Variants in TGM7 observed in about 807,000 individuals in gnomAD.
TGM7 encodes transglutaminase 7, also known as protein-glutamine gamma-glutamyltransferase Z.
TGM7 carries 74 observed loss-of-function variants against 79.5 expected under a neutral mutation model. That is an observed-to-expected ratio of 0.93 (90% CI 0.77 to 1.13). The LOEUF (loss-of-function observed/expected upper bound fraction) is 1.13. Ranked by LOEUF, TGM7 falls within the 50% of genes most tolerant of loss-of-function variation. TGM7 has a pLI of 0.00. For missense variants in TGM7, 912 were observed against 905.9 expected, an observed-to-expected ratio of 1.01 and a Z score of -0.09; for synonymous variants, 354 against 362.5, an observed-to-expected ratio of 0.98 and a Z score of 0.27.
chr15:43,282,722 T>C, intron 7 of TGM7, 102 bp from the exon 8 acceptor site: 1 of 948,996 alleles, frequency 1.1e-6, no homozygotes, highest in Non-Finnish European at 1.6e-6. Flanking sequence ...TTTTTCTTAC[T>C]TTTTATTAGG....
chr15:43,296,289 G>A (rs1326918841), intron 1 of TGM7, among the ~76,000 whole-genome samples: 1 of 152,076 alleles, frequency 6.6e-6, no homozygotes, highest in East Asian at 1.9e-4. Context: ...GCCGGGCGTG[G>A]TGGCGGGCAC....
intron 4 of TGM7, among the ~76,000 whole-genome samples, chr15:43,288,585 T>C (rs959905334): frequency 6.6e-6 from 1 of 152,086 alleles, no homozygotes; most frequent in South Asian, 2.1e-4. Context: ...TGAAGTACTA[T>C]TGGATTAAAT....
In TGM7 at chr15:43,276,513, T is replaced by C. The variant is rs772722508; in HGVS notation, c.2075A>G (p.Glu692Gly). ...RQLQVLISSN[E>G]VKEIKGYKDI... Reference sequence around the variant, plus strand: ...CTTGTAGCCTTTGATCTCCTTGACCTCGTTGCTGCTGATGAGAACCTGGAG... The same window carrying C: ...CTTGTAGCCTTTGATCTCCTTGACCCCGTTGCTGCTGATGAGAACCTGGAG... Residue 692 changes from glutamate (E) to glycine (G), a missense_variant, in exon 13 of 13, where the codon GAG (glutamate) becomes GGG (glycine). Transcript: ENST00000452443. The C allele has an allele frequency of 1.9e-5, 31 of 1,614,070 alleles. No individual in the cohort carries two copies. The South Asian group carries it at 3.3e-4, about 17-fold the overall frequency.
intron 12 of TGM7, 50 bp from the exon 13 acceptor site, chr15:43,276,664 G>T (rs760731011): frequency 6.3e-7 from 1 of 1,584,012 alleles, no homozygotes; most frequent in South Asian, 1.2e-5. Context: ...CCTGCTGGCG[G>T]CAGGGGTGAT....
At chr15:43,286,497 T>C (rs753669105) in intron 6 of TGM7, among the ~76,000 whole-genome samples, 1 of 152,212 alleles carries the variant, frequency 6.6e-6, no homozygotes, top group Non-Finnish European at 1.5e-5. Flanking sequence ...ACCTCCTCTG[T>C]GTCTGCAGCA....
intron 2 of TGM7, 53 bp from the exon 3 acceptor site, chr15:43,293,007 AT>A: frequency 1.3e-6 from 2 of 1,596,330 alleles, no homozygotes; most frequent in Non-Finnish European, 8.5e-7. Context: ...TGTATGGTAT[AT>A]GATTCCAGGG....
intron 7 of TGM7, 66 bp from the exon 8 acceptor site, chr15:43,282,686 T>G (rs1028136261): frequency 1.7e-6 from 2 of 1,197,388 alleles, no homozygotes; most frequent in Admixed American, 4.2e-5. Flanking sequence ...CCAGGCACTA[T>G]ACGGAGTGAT....
At chr15:43,291,935 C>T (rs760044589) in intron 4 of TGM7, 44 bp downstream of exon 4, 4 of 1,450,232 alleles carry the variant, frequency 2.8e-6, no homozygotes, top group Non-Finnish European at 1.9e-6. Context: ...TAAGGACCAG[C>T]CTTAGGGAGC....
At position 43,276,877 on chromosome 15, in the gene TGM7, C is replaced by T. The variant is rs568055990; in HGVS notation, c.1958G>A (p.Gly653Glu). The T allele has an allele frequency of 1.3e-5, 21 of 1,614,102 alleles. No individual in the cohort carries two copies. The Middle Eastern group carries it at 5.0e-4, about 38-fold the overall frequency. ...MVLEGSGLIN[G>E]QIAKDLGTLV... The stretch of plus-strand genomic sequence containing the variant: ...CGTCACTTACTCCTTTGCTATCTGC[C>T]CATTGATGAGGCCGCTTCCTTCCAG... Residue 653 changes from glycine (G) to glutamate (E), a missense_variant, in exon 12 of 13, where the codon GGG becomes GAG. Coordinates refer to ENST00000452443, the MANE Select transcript of TGM7 (RefSeq NM_052955.3).
intron 12 of TGM7, 96 bp from the exon 13 acceptor site, chr15:43,276,710 C>T (rs1038997402): frequency 6.5e-7 from 1 of 1,536,656 alleles, no homozygotes; most frequent in Non-Finnish European, 8.8e-7. Flanking sequence ...GGCTCCCACT[C>T]ACCACCACCA....
Position 43,293,455 on chromosome 15 carries a change from C to T in TGM7, c.187G>A (p.Glu63Lys), listed in dbSNP as rs2042974028. Residue 63 changes from glutamate to lysine, a missense_variant, in exon 2 of 13, where the codon GAG (glutamate) becomes AAG (lysine). Glu to Lys is a moderately conservative substitution (Grantham distance 56). Coordinates refer to ENST00000452443, the MANE Select transcript of TGM7 (RefSeq NM_052955.3). ...SQNDHITFVAETGPKPSELLG... is the reference protein window; with the variant it reads ...SQNDHITFVAKTGPKPSELLG... The stretch of plus-strand genomic sequence containing the variant: ...TGGGACAGGGCAAACTCACCGGTCT[C>T]AGCCACAAAGGTGATGTGGTCGTTC... The T allele has an allele frequency of 2.5e-6, 4 of 1,600,786 alleles. No individual in the cohort carries two copies. In the South Asian group the frequency reaches 3.3e-5, roughly 13 times the overall value.
chr15:43,293,017 G>A, intron 2 of TGM7, 63 bp from the exon 3 acceptor site: 10 of 1,576,990 alleles, frequency 6.3e-6, no homozygotes, highest in Non-Finnish European at 8.6e-6. Context: ...ATGATTCCAG[G>A]GGAGTCGGAA....
chr15:43,300,647 A>G lies in TGM7; in HGVS notation c.10+1594T>C, dbSNP rs201590170. ...AAACCCTGTCTCTACTAAAAATACA[A>G]AAAATTAGCCAGGCGTGGTAGCGGG... On this transcript the variant is annotated intron_variant, in intron 1 of 12. Coordinates refer to ENST00000452443, the MANE Select transcript of TGM7 (RefSeq NM_052955.3). Among the ~76,000 whole-genome samples the G allele has an allele frequency of 9.2e-5, 14 of 152,254 alleles. No homozygotes were observed. The East Asian group carries it at 2.5e-3, about 27-fold the overall frequency.
intron 1 of TGM7, among the ~76,000 whole-genome samples, chr15:43,295,835 G>T (rs2042989417): frequency 6.6e-6 from 1 of 152,192 alleles, no homozygotes; most frequent in Non-Finnish European, 1.5e-5. Flanking sequence ...TGAATTACTG[G>T]ATCAATTGGT....
At position 43,284,838 on chromosome 15, in the gene TGM7, G is replaced by C. The variant is rs767701723; in HGVS notation, c.980C>G (p.Ser327Ter). The C allele has an allele frequency of 6.2e-7, 1 of 1,614,160 alleles. No individual in the cohort carries two copies. The highest frequency in any genetic ancestry group is 1.7e-5 in the Admixed American group (1 of 60,018). Reference protein sequence around the residue: ...TYYDRNAEMLSTQKRDKIWNF... With the variant: ...TYYDRNAEML ...CCATATTTTGTCTCGTTTCTGAGTT[G>C]ACAGCATCTCGGCATTTCGGTCATA... Residue 327 changes from serine (S) to a stop codon, truncating the protein, a stop_gained, in exon 7 of 13, where the codon TCA becomes TGA. Coordinates refer to ENST00000452443, the MANE Select transcript of TGM7 (RefSeq NM_052955.3). LOFTEE classifies it high-confidence loss of function.
In TGM7 at chr15:43,287,417, C is replaced by T; in HGVS notation, c.728G>A (p.Trp243Ter). The change falls in exon 6 of 13, where the codon TGG becomes TAG. Residue 243 changes from tryptophan to a stop codon, truncating the protein, a stop_gained. Transcript: ENST00000452443. LOFTEE classifies it high-confidence loss of function. The part of the protein sequence containing the change: ...NDDNGVLQGN[W>*]GEDYSKGVSP... ...GACCCCTTTGGAGTAGTCCTCGCCC[C>T]AGTTCCCCTGCAGCACGCCATTGTC... 8 of 1,614,154 alleles carry T rather than the reference C, an allele frequency of 5.0e-6. No homozygotes were observed. Among genetic ancestry groups the T allele is most frequent in the Middle Eastern group, 1.6e-4 (1 of 6,062 alleles).
chr15:43,296,421 T>C (rs2042992828), intron 1 of TGM7, among the ~76,000 whole-genome samples: 1 of 100,718 alleles, frequency 9.9e-6, no homozygotes, highest in Non-Finnish European at 1.8e-5. Context: ...CGAGACTCTG[T>C]CTCAAAAAAA....
At chr15:43,282,642 CA>C (rs2042915489) in intron 7 of TGM7, 22 bp from the exon 8 acceptor site, 1 of 1,567,774 alleles carries the variant, frequency 6.4e-7, no homozygotes, top group African/African-American at 1.3e-5. Flanking sequence ...AGTAAGGAGA[CA>C]AGGATTCATG....
At chr15:43,280,113 T>C (rs2042900434) in intron 9 of TGM7, among the ~76,000 whole-genome samples, 162 bp from the exon 10 acceptor site, 2 of 152,114 alleles carry the variant, frequency 1.3e-5, no homozygotes, top group African/African-American at 4.8e-5. Context: ...TCCTTTAATC[T>C]CTCAGTGTTC....
Sources: allele counts gnomAD v4.1 joint callset (sites outside exome capture counted in the v4.1 genomes callset), GRCh38; gene constraint gnomAD v4.1.1; transcripts MANE v1.5; gene names NCBI Gene and HGNC (gene_info 2026-07-23, HGNC 2026-07-21).